Variants in POPDC3 observed in about 807,000 individuals in gnomAD.
POPDC3 encodes popeye domain-containing protein 3.
In POPDC3, 20 loss-of-function variants were observed where a neutral mutation model predicts 28.2. That is an observed-to-expected ratio of 0.71 (90% CI 0.50 to 1.03). POPDC3 has a LOEUF of 1.03. Among genes scored for constraint, POPDC3 ranks in the 50% least tolerant of loss-of-function variants. The pLI, the probability that POPDC3 is intolerant of heterozygous loss-of-function variation, is 0.00. For synonymous variants in POPDC3, 118 were observed against 124.1 expected, an observed-to-expected ratio of 0.95 and a Z score of 0.33; for missense variants, 316 against 345.9, an observed-to-expected ratio of 0.91 and a Z score of 0.69.
Position 105,172,084 on chromosome 6 carries a change from A to T in POPDC3, c.-252+7749T>A, listed in dbSNP as rs889165777. Among the ~76,000 whole-genome samples the T allele has an allele frequency of 1.1e-4, 16 of 151,248 alleles. 1 individual carries two copies. The highest frequency in any genetic ancestry group is 3.7e-4 in the African/African-American group (15 of 40,932). ...GCACAGCAAAACAAACTACCATCAG[A>T]GTGAACAGGCAACCTACAAAATGGG... On this transcript the variant is annotated intron_variant, in intron 1 of 3. Coordinates refer to ENST00000254765, the MANE Select transcript of POPDC3 (RefSeq NM_022361.5).
Position 105,179,903 on chromosome 6 carries a change from C to G in POPDC3, c.-322G>C, listed in dbSNP as rs1018459002. 2.8e-4 allele frequency: 42 copies of G among 151,736 alleles called. No individual in the cohort carries two copies. Among genetic ancestry groups the G allele is most frequent in the African/African-American group, 9.6e-4 (40 of 41,482 alleles). 9.4% of individuals were successfully genotyped at this position (151,736 alleles called of 1,614,324 possible). A position where few individuals can be genotyped will look rare whatever the true frequency, so the allele number is the denominator to read the frequency against. ...AAGTTTCCCGGCGGAGCGCGCTTGA[C>G]CCGGGTGGCCCGCGCGGAAGCCCTC... On this transcript the variant is annotated 5_prime_UTR_variant, in exon 1 of 4. Transcript: ENST00000254765.
intron 2 of POPDC3, among the ~76,000 whole-genome samples, chr6:105,160,662 A>G (rs1392454025): frequency 6.6e-6 from 1 of 151,972 alleles, no homozygotes; most frequent in African/African-American, 2.4e-5. Context: ...GCGCGATCTC[A>G]GCTCACTGCA....
intron 3 of POPDC3, among the ~76,000 whole-genome samples, chr6:105,159,474 T>C (rs1774271761): frequency 6.6e-6 from 1 of 152,244 alleles, no homozygotes; most frequent in Non-Finnish European, 1.5e-5. Flanking sequence ...CTTAAAGTAT[T>C]GATCACAGCC....
chr6:105,176,999 A>G (rs1774693283), intron 1 of POPDC3: 1 of 249,850 alleles, frequency 4.0e-6, no homozygotes, highest in African/African-American at 2.3e-5. Flanking sequence ...TCTTATAATG[A>G]TTTTGGGAAA....
chr6:105,158,624 T>A lies in POPDC3; in HGVS notation c.722A>T (p.Asp241Val). Reference protein sequence around the residue: ...FSVLIGSDIADKLYALNDRVY... With the variant: ...FSVLIGSDIAVKLYALNDRVY... ...CCTGTCATTCAAGGCATAGAGTTTA[T>A]CTGCAATGTCACTGCCAATTAGCAC... is the stretch of plus-strand genomic sequence containing the variant. The change falls in exon 4 of 4, where the codon GAT becomes GTT. Residue 241 changes from aspartate (D) to valine (V), a missense_variant. Physicochemically the swap from Asp to Val is radical, Grantham distance 152. Transcript: ENST00000254765. The A allele has an allele frequency of 6.2e-7, 1 of 1,614,170 alleles. No homozygotes were observed.
chr6:105,173,445 A>G (rs2114546325), intron 1 of POPDC3, among the ~76,000 whole-genome samples: 1 of 152,312 alleles, frequency 6.6e-6, no homozygotes, highest in East Asian at 1.9e-4. Context: ...TGCATCTTGA[A>G]TGGAGGAGTA....
chr6:105,162,659 G>C (rs1038510986), intron 1 of POPDC3, among the ~76,000 whole-genome samples: 1 of 152,236 alleles, frequency 6.6e-6, no homozygotes, highest in Non-Finnish European at 1.5e-5. Flanking sequence ...TTGAACTTGG[G>C]AGACAGGCTT....
At chr6:105,166,165 TA>T (rs1227225457) in intron 1 of POPDC3, among the ~76,000 whole-genome samples, 1 of 152,132 alleles carries the variant, frequency 6.6e-6, no homozygotes, top group Non-Finnish European at 1.5e-5. Flanking sequence ...TCCTCATTGG[TA>T]AAATGAAAGA....
chr6:105,176,834 C>T (rs2114550843), intron 1 of POPDC3, among the ~76,000 whole-genome samples: 1 of 152,330 alleles, frequency 6.6e-6, no homozygotes, highest in East Asian at 1.9e-4. Context: ...GCTGGGATTA[C>T]AGGCGTGAGC....
intron 1 of POPDC3, among the ~76,000 whole-genome samples, chr6:105,171,506 A>C (rs1248649881): frequency 1.3e-5 from 2 of 151,896 alleles, no homozygotes; most frequent in Non-Finnish European, 2.9e-5. Flanking sequence ...CCAGCTCTAC[A>C]AAAAAATTAA....
In POPDC3 at chr6:105,158,884, A is replaced by G. The variant is rs1008167059; in HGVS notation, c.595-133T>C. Reference sequence around the variant, plus strand: ...GGTTGAAAAAGCCCACTGACCTACAATATATTGCAAAAATAGAAACTACAA... The same window carrying G: ...GGTTGAAAAAGCCCACTGACCTACAGTATATTGCAAAAATAGAAACTACAA... On this transcript the variant is annotated intron_variant, in intron 3 of 3. Coordinates refer to ENST00000254765, the MANE Select transcript of POPDC3 (RefSeq NM_022361.5). 125 of 679,478 alleles carry G rather than the reference A, an allele frequency of 1.8e-4. 3 individuals are homozygous for G. The South Asian group carries it at 3.1e-3, about 17-fold the overall frequency. The allele number at this position is 679,478 out of a possible 1,614,324, so 42.1% of individuals were successfully genotyped here. A position where few individuals can be genotyped will look rare whatever the true frequency, so the allele number is the denominator to read the frequency against.
At position 105,158,288 on chromosome 6, in the gene POPDC3, A is replaced by G. The variant is rs944719264; in HGVS notation, c.*182T>C. 2 of 532,976 alleles carry G rather than the reference A, an allele frequency of 3.8e-6. No homozygotes were observed. The highest frequency in any genetic ancestry group is 3.9e-5 in the South Asian group (1 of 25,490). 33.0% of individuals were successfully genotyped at this position (532,976 alleles called of 1,614,324 possible). A position where few individuals can be genotyped will look rare whatever the true frequency, so the allele number is the denominator to read the frequency against. The stretch of plus-strand genomic sequence containing the variant: ...ATTATAACAATGAGAAATACAAGAA[A>G]AATTTGTAAAGTTTATTCACAATGC... On this transcript the variant is annotated 3_prime_UTR_variant, in exon 4 of 4. Coordinates refer to ENST00000254765, the MANE Select transcript of POPDC3 (RefSeq NM_022361.5).
At chr6:105,165,341 CAGAG>C (rs368859236) in intron 1 of POPDC3, among the ~76,000 whole-genome samples, 5 of 152,334 alleles carry the variant, frequency 3.3e-5, no homozygotes, top group African/African-American at 1.2e-4. Flanking sequence ...GCTGGAGACA[CAGAG>C]AGCCGCTCAT....
intron 1 of POPDC3, among the ~76,000 whole-genome samples, chr6:105,172,361 A>G (rs999266027): frequency 6.0e-5 from 9 of 151,258 alleles, no homozygotes; most frequent in Non-Finnish European, 1.0e-4. Flanking sequence ...TTAGAATGGC[A>G]ATCATTAAAA....
chr6:105,179,788 C>G (rs1022011993), intron 1 of POPDC3, 45 bp downstream of exon 1: 12 of 152,188 alleles, frequency 7.9e-5, no homozygotes, highest in African/African-American at 2.7e-4. Flanking sequence ...GTGCGGACAG[C>G]ACCGGAAGGC....
intron 1 of POPDC3, chr6:105,169,532 A>G (rs1311423357): frequency 6.6e-6 from 1 of 152,240 alleles, no homozygotes; most frequent in African/African-American, 2.4e-5. Context: ...TGTAACATTG[A>G]GCCATAAAGA....
intron 1 of POPDC3, chr6:105,163,900 T>C (rs1432223258): frequency 2.6e-5 from 4 of 152,182 alleles, no homozygotes; most frequent in Admixed American, 2.6e-4. Context: ...CATCAATCAA[T>C]CTACGAGATG....
chr6:105,175,356 C>G (rs1314803345), intron 1 of POPDC3, among the ~76,000 whole-genome samples: 2 of 115,360 alleles, frequency 1.7e-5, no homozygotes, highest in East Asian at 2.6e-4. Context: ...CTGGGTAACA[C>G]AGTGAGACCC....
At chr6:105,159,864 A>G in intron 2 of POPDC3, 45 bp from the exon 3 acceptor site, 2 of 1,344,970 alleles carry the variant, frequency 1.5e-6, no homozygotes, top group Admixed American at 1.7e-5. Flanking sequence ...GGAGAAAGAG[A>G]GCACATAATT....
Sources: gnomAD v4.1 joint callset for allele counts (sites outside exome capture counted in the v4.1 genomes callset) on GRCh38, gnomAD v4.1.1 for gene constraint, MANE v1.5 for transcripts, NCBI Gene and HGNC (gene_info 2026-07-23, HGNC 2026-07-21) for gene names.